The following C2CD3 variants were observed in gnomAD, a reference collection of about 807,000 sequenced individuals.
C2CD3 encodes C2 domain containing 3 centriole elongation regulator.
Under a neutral mutation model 234.0 loss-of-function variants are expected in C2CD3, and 148 were observed. The observed-to-expected ratio is 0.63, with a 90% confidence interval of 0.55 to 0.72. C2CD3 has a LOEUF of 0.72. C2CD3 is among the 30% of genes least tolerant of loss of function. C2CD3 has a pLI of 0.00. For synonymous variants in C2CD3, 1,000 were observed against 1,035.4 expected (o/e 0.97, Z 0.66); for missense variants, 2,577 against 2,811.5 (o/e 0.92, Z 1.89).
intron 23 of C2CD3, 29 bp from the exon 24 acceptor site, chr11:74,074,629 A>C (rs1301250460): frequency 1.7e-5 from 26 of 1,556,922 alleles, no homozygotes; most frequent in Non-Finnish European, 2.0e-5. Flanking sequence ...GAATAAGGCT[A>C]GTCAAGCAGG....
At chr11:74,126,873 T>C (rs1163740626) in intron 7 of C2CD3, among the ~76,000 whole-genome samples, 4 of 152,334 alleles carry the variant, frequency 2.6e-5, no homozygotes, top group African/African-American at 9.6e-5. Flanking sequence ...AGAAACTCCA[T>C]AACCTTCAGC....
rs768511284 is a variant in C2CD3 at position 74,078,509 on chromosome 11, C to T, written c.4209G>A (p.Glu1403=). The change falls in exon 23 of 33, where the codon GAG becomes GAA. Residue 1403 remains glutamate (E), a synonymous_variant. Transcript: ENST00000334126. ...LKDFVRMDEG[E]PATVTISTPR... ...GGGTGGAGATGGTGACAGTGGCTGG[C>T]TCCCCTTCATCCATTCTGACAAAAT... The T allele has an allele frequency of 1.2e-6, 2 of 1,613,542 alleles. No homozygotes were observed. The highest frequency in any genetic ancestry group is 1.1e-5 in the South Asian group (1 of 91,082).
At chr11:74,110,774 G>A (rs1956711878) in intron 11 of C2CD3, among the ~76,000 whole-genome samples, 1 of 152,152 alleles carries the variant, frequency 6.6e-6, no homozygotes, top group Admixed American at 6.5e-5. Flanking sequence ...AGAAATTCAG[G>A]TAAATAACTT....
At chr11:74,160,881 G>C (rs1474446059) in intron 3 of C2CD3, among the ~76,000 whole-genome samples, 1 of 152,028 alleles carries the variant, frequency 6.6e-6, no homozygotes, top group Non-Finnish European at 1.5e-5. Context: ...GCGTCAATTA[G>C]AAATAAAATT....
chr11:74,080,000 A>C (rs1955266625), intron 22 of C2CD3, among the ~76,000 whole-genome samples: 1 of 152,148 alleles, frequency 6.6e-6, no homozygotes, highest in African/African-American at 2.4e-5. Context: ...ACACTATGTA[A>C]ATTAATGGGC....
At chr11:74,057,014 T>C (rs1953986430) in intron 25 of C2CD3, among the ~76,000 whole-genome samples, 1 of 148,956 alleles carries the variant, frequency 6.7e-6, no homozygotes, top group African/African-American at 2.5e-5. Flanking sequence ...ATGCCACCCC[T>C]CCCCTCCCCC....
At chr11:74,090,267 G>A (rs1485899855) in intron 20 of C2CD3, among the ~76,000 whole-genome samples, 1 of 152,140 alleles carries the variant, frequency 6.6e-6, no homozygotes, top group Non-Finnish European at 1.5e-5. Flanking sequence ...ACTGGCTCAC[G>A]CCTGTAATCC....
At chr11:74,120,942 G>T (rs1957189695) in intron 8 of C2CD3, among the ~76,000 whole-genome samples, 1 of 151,558 alleles carries the variant, frequency 6.6e-6, no homozygotes, top group Non-Finnish European at 1.5e-5. Context: ...AGAATTGCTT[G>T]AGCCAGGAGT....
chr11:74,023,727 C>A (rs974252743), intron 32 of C2CD3, among the ~76,000 whole-genome samples: 1 of 152,098 alleles, frequency 6.6e-6, no homozygotes, highest in Admixed American at 6.5e-5. Flanking sequence ...TGCATTAGCA[C>A]ATAGAAAGCT....
chr11:74,092,535 A>G lies in C2CD3; in HGVS notation c.3398T>C (p.Leu1133Ser). Residue 1133 changes from leucine (L) to serine (S), a missense_variant, in exon 19 of 33, where the codon TTA becomes TCA. Leu to Ser is a moderately radical substitution (Grantham distance 145). Coordinates refer to ENST00000334126, the MANE Select transcript of C2CD3 (RefSeq NM_001286577.2). ...DQKVAKGTLP[L>S]SRICAMVTTQ... ...GGTTACCATAGCACAGATCCTTGAT[A>G]ATGGCAAGGTTCCTTTGGCGACCTT... 1 of 1,613,962 alleles carries G rather than the reference A, an allele frequency of 6.2e-7. No homozygotes were observed. The highest frequency in any genetic ancestry group is 8.5e-7 in the Non-Finnish European group (1 of 1,179,906).
At chr11:74,030,364 C>A (rs1367535865) in intron 31 of C2CD3, among the ~76,000 whole-genome samples, 1 of 152,210 alleles carries the variant, frequency 6.6e-6, no homozygotes, top group Non-Finnish European at 1.5e-5. Flanking sequence ...TCTGTTCTCA[C>A]TGTCCTCACC....
At chr11:74,118,946 T>G (rs891774896) in intron 8 of C2CD3, among the ~76,000 whole-genome samples, 21 of 151,354 alleles carry the variant, frequency 1.4e-4, no homozygotes, top group Non-Finnish European at 2.5e-4. Flanking sequence ...CTCACCGTGT[T>G]GCCCAGACTG....
intron 23 of C2CD3, 70 bp downstream of exon 23, chr11:74,078,045 G>A: frequency 6.6e-7 from 1 of 1,510,282 alleles, no homozygotes; most frequent in South Asian, 1.3e-5. Flanking sequence ...GTCTGACAGA[G>A]TGTCTCACCT....
chr11:74,104,769 TC>T (rs1956447183), intron 13 of C2CD3, among the ~76,000 whole-genome samples: 1 of 152,174 alleles, frequency 6.6e-6, no homozygotes, highest in South Asian at 2.1e-4. Context: ...CGATCTGAAA[TC>T]CTAAGTGTTA....
intron 26 of C2CD3, 69 bp from the exon 27 acceptor site, chr11:74,049,611 C>A: frequency 1.7e-6 from 2 of 1,201,640 alleles, no homozygotes; most frequent in Non-Finnish European, 2.4e-6. Context: ...AGAGGGTGCA[C>A]ACAGAGAAGC....
chr11:74,028,523 A>G, intron 31 of C2CD3, 125 bp from the exon 32 acceptor site: 1 of 655,920 alleles, frequency 1.5e-6, no homozygotes, highest in Non-Finnish European at 2.6e-6. Context: ...TCTTGTCCAT[A>G]AATTCTTTGC....
intron 30 of C2CD3, chr11:74,036,394 C>T (rs1411543224): frequency 2.2e-6 from 1 of 455,180 alleles, no homozygotes; most frequent in Non-Finnish European, 4.4e-6. Flanking sequence ...ACAGATGGTG[C>T]TCAATAAACA....
In C2CD3 at chr11:74,061,659, C is replaced by T. The variant is rs529655174; in HGVS notation, c.4952-4115G>A. ...GGAAAGGAACAACCAGTACTGGCCG[C>T]TCCACAAACATGCCAAATTGTAAAG... On this transcript the variant is annotated intron_variant, in intron 24 of 32. Coordinates refer to ENST00000334126, the MANE Select transcript of C2CD3 (RefSeq NM_001286577.2). 2.6e-5 allele frequency among the ~76,000 whole-genome samples: 4 copies of T among 152,344 alleles called. No homozygotes were observed. In the East Asian group the frequency reaches 7.7e-4, roughly 29 times the overall value.
chr11:74,025,580 T>C (rs1401117688), intron 32 of C2CD3, among the ~76,000 whole-genome samples: 1 of 152,102 alleles, frequency 6.6e-6, no homozygotes, highest in African/African-American at 2.4e-5. Flanking sequence ...GGGATGGCCA[T>C]TCAAAGCGGC....
Sources: allele counts gnomAD v4.1 joint callset (sites outside exome capture counted in the v4.1 genomes callset), GRCh38; gene constraint gnomAD v4.1.1; transcripts MANE v1.5; gene names NCBI Gene and HGNC (gene_info 2026-07-23, HGNC 2026-07-21).